Variants in DNAH3 observed in about 807,000 individuals in gnomAD.
DNAH3 encodes the protein axonemal beta dynein heavy chain 3.
DNAH3 carries 332 observed loss-of-function variants against 432.5 expected under a neutral mutation model. The observed-to-expected ratio is 0.77, with a 90% CI of 0.70 to 0.84. The LOEUF is 0.84. DNAH3 is among the 40% of genes least tolerant of loss of function. The pLI is 0.00. For synonymous variants in DNAH3, 1,956 were observed against 1,900.2 expected, an observed-to-expected ratio of 1.03 and a Z score of -0.76; for missense variants, 4,861 against 5,114.0, an observed-to-expected ratio of 0.95 and a Z score of 1.51.
intron 34 of DNAH3, 132 bp from the exon 35 acceptor site, chr16:21,036,980 A>G (rs1169309804): frequency 8.5e-6 from 6 of 701,952 alleles, no homozygotes; most frequent in Non-Finnish European, 1.4e-5. Context: ...TCTTGCACCA[A>G]AACTTTTCTA....
At position 21,156,156 on chromosome 16, in the gene DNAH3, GTTATTC is replaced by G. The variant is rs1337112579; in HGVS notation, c.117+3163_117+3168del. 1.4e-4 allele frequency among the ~76,000 whole-genome samples: 21 copies of G among 148,874 alleles called. 1 individual carries two copies. In the East Asian group the frequency reaches 2.5e-3, roughly 18 times the overall value. On this transcript the variant is annotated intron_variant, in intron 1 of 61. Transcript: ENST00000261383. ...AAGAGGGTAAGAGAGCTCTCTGGGA[GTTATTC>G]TTATTTTATTTTATTTTATTTTATT... is the stretch of plus-strand genomic sequence containing the variant.
chr16:21,087,381 TTTTTG>T (rs1027256024), intron 18 of DNAH3, among the ~76,000 whole-genome samples: 2 of 152,196 alleles, frequency 1.3e-5, no homozygotes, highest in Non-Finnish European at 2.9e-5. Flanking sequence ...TATCAATAGC[TTTTTG>T]TTTTGTTTTG....
intron 5 of DNAH3, among the ~76,000 whole-genome samples, chr16:21,139,186 T>C (rs1047503923): frequency 1.6e-4 from 24 of 151,862 alleles, no homozygotes; most frequent in African/African-American, 5.3e-4. Flanking sequence ...CCTAAGAAAA[T>C]AATAAGGAAT....
At chr16:20,998,410 G>A (rs1420210998) in intron 43 of DNAH3, among the ~76,000 whole-genome samples, 3 of 151,618 alleles carry the variant, frequency 2.0e-5, no homozygotes, top group Admixed American at 6.6e-5. Flanking sequence ...GCACCACCAC[G>A]CCCAGCTAAT....
intron 49 of DNAH3, among the ~76,000 whole-genome samples, chr16:20,981,075 G>T (rs1428141240): frequency 6.6e-6 from 1 of 152,144 alleles, no homozygotes; most frequent in South Asian, 2.1e-4. Flanking sequence ...TGGGCAGCAG[G>T]TCTAAAAAGC....
rs746331404 is a variant in DNAH3, at chr16:20,963,511, TCCTCATGGGGCCAGGCCGAGTCA to T, written c.10350_10372del (p.Tyr3450Ter). ...GAACTTCCAAGACCCAGGGAGTTGC[TCCTCATGGGGCCAGGCCGAGTCA>T]TAGATCAGCTTCCATTCACCCAGGT... On this transcript the variant is annotated stop_gained and frameshift_variant, in exon 53 of 62. Transcript: ENST00000261383. LOFTEE classifies it high-confidence loss of function. 48 of 1,613,970 alleles carry T rather than the reference TCCTCATGGGGCCAGGCCGAGTCA, an allele frequency of 3.0e-5. No individual in the cohort carries two copies. Among genetic ancestry groups the T allele is most frequent in the Non-Finnish European group, 4.1e-5 (48 of 1,180,030 alleles).
At chr16:21,086,824 G>C (rs780055007) in intron 19 of DNAH3, 25 bp downstream of exon 19, 2 of 1,607,960 alleles carry the variant, frequency 1.2e-6, no homozygotes, top group Middle Eastern at 1.7e-4. Context: ...GCGCTGCTTG[G>C]GGGCGGGCAG....
chr16:21,128,479 G>A (rs1233794643), intron 7 of DNAH3, among the ~76,000 whole-genome samples: 1 of 151,962 alleles, frequency 6.6e-6, no homozygotes, highest in African/African-American at 2.4e-5. Flanking sequence ...TGGATCACAA[G>A]GTCAGGAGTT....
chr16:21,039,712 T>A (rs1476266794), intron 33 of DNAH3, 140 bp downstream of exon 33: 2 of 747,720 alleles, frequency 2.7e-6, no homozygotes, highest in African/African-American at 3.5e-5. Context: ...GGCTATGTGC[T>A]CTCAGACCAC....
intron 18 of DNAH3, among the ~76,000 whole-genome samples, chr16:21,091,613 C>T (rs1386006173): frequency 3.3e-5 from 5 of 152,026 alleles, no homozygotes; most frequent in Admixed American, 6.6e-5. Context: ...GTCAGGAGTT[C>T]GAGACCAGCC....
At chr16:21,031,467 T>C (rs931171925) in intron 36 of DNAH3, among the ~76,000 whole-genome samples, 181 bp from the exon 37 acceptor site, 2 of 152,140 alleles carry the variant, frequency 1.3e-5, no homozygotes, top group Non-Finnish European at 2.9e-5. Context: ...GGAGCTGTAG[T>C]AGCTCACACC....
chr16:21,106,235 G>A (rs2091943456), intron 15 of DNAH3, among the ~76,000 whole-genome samples: 2 of 147,272 alleles, frequency 1.4e-5, no homozygotes, highest in Non-Finnish European at 3.0e-5. Flanking sequence ...TGTCTCCTTT[G>A]TGTCTAACAA....
intron 16 of DNAH3, 25 bp downstream of exon 16, chr16:21,104,446 A>G: frequency 1.2e-6 from 2 of 1,607,482 alleles, no homozygotes; most frequent in African/African-American, 2.7e-5. Flanking sequence ...CTCATTTCCA[A>G]GACAATCCCA....
intron 33 of DNAH3, among the ~76,000 whole-genome samples, chr16:21,038,351 C>A (rs1425909145): frequency 6.6e-6 from 1 of 151,992 alleles, no homozygotes; most frequent in Non-Finnish European, 1.5e-5. Context: ...TCTATCTCTA[C>A]AGAAAAATTA....
chr16:20,964,366 G>A, exon 53 of DNAH3: 1 of 1,614,174 alleles, frequency 6.2e-7, no homozygotes, highest in Non-Finnish European at 8.5e-7. Context: ...CAAACGGGTT[G>A]TGATGTATAA....
At chr16:21,134,516 A>T in intron 6 of DNAH3, 62 bp from the exon 8 acceptor site, 1 of 1,485,490 alleles carries the variant, frequency 6.7e-7, no homozygotes, top group Non-Finnish European at 9.1e-7. Context: ...CTTAGCTTCA[A>T]CTCATTTAGT....
At chr16:21,098,498 T>A in intron 17 of DNAH3, 118 bp downstream of exon 17, 9 of 900,078 alleles carry the variant, frequency 1.0e-5, no homozygotes, top group Admixed American at 3.0e-5. Flanking sequence ...AACTGGCCAA[T>A]GAGTTAACCA....
At chr16:21,064,385 C>A (rs2152755734) in intron 24 of DNAH3, among the ~76,000 whole-genome samples, 1 of 152,292 alleles carries the variant, frequency 6.6e-6, no homozygotes, top group East Asian at 1.9e-4. Flanking sequence ...AGAAGAACCA[C>A]CCAGCCAAGC....
chr16:20,997,200 G>A, intron 44 of DNAH3, 83 bp downstream of exon 44: 1 of 1,445,000 alleles, frequency 6.9e-7, no homozygotes, highest in East Asian at 2.3e-5. Context: ...ACAGACTGTG[G>A]CACACCAACC....
Sources: gnomAD v4.1 joint callset for allele counts (sites outside exome capture counted in the v4.1 genomes callset) on GRCh38, gnomAD v4.1.1 for gene constraint, MANE v1.5 for transcripts, NCBI Gene and HGNC (gene_info 2026-07-23, HGNC 2026-07-21) for gene names.